The following DISC1 variants were observed in gnomAD, a reference collection of about 807,000 sequenced individuals.
DISC1 encodes DISC1 scaffold protein.
In DISC1, 57 loss-of-function variants were observed where a neutral mutation model predicts 84.5. The ratio of observed to expected loss-of-function variants is 0.67; its 90% CI spans 0.55 to 0.84. The LOEUF (loss-of-function observed/expected upper bound fraction) is 0.84. Among genes scored for constraint, DISC1 ranks in the 40% least tolerant of loss-of-function variants. The pLI is 0.00. For synonymous variants in DISC1, 411 were observed against 415.2 expected, an observed-to-expected ratio of 0.99 and a Z score of 0.12; for missense variants, 1,000 against 1,057.8, an observed-to-expected ratio of 0.95 and a Z score of 0.76.
rs894017427 is a variant in DISC1, at chr1:231,799,430, C to T, written c.1690-678C>T. Among the ~76,000 whole-genome samples, 3 of 152,134 alleles carry T rather than the reference C, an allele frequency of 2.0e-5. No individual in the cohort carries two copies. The South Asian group carries it at 6.2e-4, about 32-fold the overall frequency. On this transcript the variant is annotated intron_variant, in intron 7 of 12. Coordinates refer to ENST00000439617, the MANE Select transcript of DISC1 (RefSeq NM_018662.3). ...GCAAAATCCCTGCTCACATAGAGCTCGTATCCCGGCAGAGAGACAATGTGG... is the reference window on the plus strand; with the variant it reads ...GCAAAATCCCTGCTCACATAGAGCTTGTATCCCGGCAGAGAGACAATGTGG...
rs552948801 is a variant in DISC1 at position 231,751,697 on chromosome 1, G to A, written c.1268+1621G>A. Among the ~76,000 whole-genome samples, 38 of 152,248 alleles carry A rather than the reference G, an allele frequency of 2.5e-4. No homozygotes were observed. In the South Asian group the frequency reaches 6.6e-3, roughly 27 times the overall value. Reference sequence around the variant, plus strand: ...ATTTCTCTGAATTTGACTACTCTGTGTACCTCATAGAAGTGACATCATACA... The same window carrying A: ...ATTTCTCTGAATTTGACTACTCTGTATACCTCATAGAAGTGACATCATACA... On this transcript the variant is annotated intron_variant, in intron 4 of 12. Transcript: ENST00000439617.
rs1667849934 is a variant in DISC1, at chr1:232,009,593, A to G, written c.2307+544A>G. ...AATGTTTATAATGTTCTTCTTTCAT[A>G]AACACAACTAAAGTTTGGCCTGAGA... is the stretch of plus-strand genomic sequence containing the variant. On this transcript the variant is annotated intron_variant, in intron 11 of 12. Transcript: ENST00000439617. This position sits in a 1 kb window ranked among gnomAD's most constrained non-coding sequence, Gnocchi z 4.6. 1.1e-6 allele frequency: 1 copy of G among 921,296 alleles called. No individual in the cohort carries two copies. Among genetic ancestry groups the G allele is most frequent in the African/African-American group, 1.8e-5 (1 of 55,898 alleles). 57.1% of individuals were successfully genotyped at this position (921,296 alleles called of 1,614,324 possible).
At chr1:231,932,768 A>T (rs200240204) in intron 9 of DISC1, among the ~76,000 whole-genome samples, 69 of 152,202 alleles carry the variant, frequency 4.5e-4, no homozygotes, top group Non-Finnish European at 7.6e-4. Flanking sequence ...TGAGGCTGTG[A>T]AGACATTTAA....
At position 231,745,511 on chromosome 1, in the gene DISC1, C is replaced by T. The variant is rs139404356; in HGVS notation, c.1118-4415C>T. Reference sequence around the variant, plus strand: ...TGCTGGGATTACAGGTATGAGCCACCGCGCTCAGCCTAAACATTCATTATC... The same window carrying T: ...TGCTGGGATTACAGGTATGAGCCACTGCGCTCAGCCTAAACATTCATTATC... On this transcript the variant is annotated intron_variant, in intron 3 of 12. Coordinates refer to ENST00000439617, the MANE Select transcript of DISC1 (RefSeq NM_018662.3). 5.6e-4 allele frequency: 118 copies of T among 211,732 alleles called. 1 individual carries two copies. The highest frequency in any genetic ancestry group is 2.6e-3 in the African/African-American group (112 of 42,548). The allele number at this position is 211,732 out of a possible 1,614,324, so 13.1% of individuals were successfully genotyped here. A position where few individuals can be genotyped will look rare whatever the true frequency, so the allele number is the denominator to read the frequency against.
intron 6 of DISC1, among the ~76,000 whole-genome samples, chr1:231,789,137 G>A (rs1483692701): frequency 6.6e-6 from 1 of 152,196 alleles, no homozygotes; most frequent in Non-Finnish European, 1.5e-5. Context: ...ACGAGTGGAT[G>A]TGAAATTTAC....
Position 231,954,054 on chromosome 1 carries a change from C to T in DISC1, c.1982-4774C>T, listed in dbSNP as rs1658963209. 6.6e-6 allele frequency among the ~76,000 whole-genome samples: 1 copy of T among 152,196 alleles called. No individual in the cohort carries two copies. Among genetic ancestry groups the T allele is most frequent in the Non-Finnish European group, 1.5e-5 (1 of 68,036 alleles). On this transcript the variant is annotated intron_variant, in intron 9 of 12. Coordinates refer to ENST00000439617, the MANE Select transcript of DISC1 (RefSeq NM_018662.3). This position sits in a 1 kb window ranked among gnomAD's most constrained non-coding sequence, Gnocchi z 4.8. ...AACATTCTCCTACCTTCCGTGTTGA[C>T]ATTCTTCTACCTTCCAACTTCCGTG...
At chr1:231,906,795 C>T (rs979613440) in intron 9 of DISC1, among the ~76,000 whole-genome samples, 4 of 149,722 alleles carry the variant, frequency 2.7e-5, no homozygotes, top group South Asian at 4.2e-4. Context: ...GAGCTGCGTA[C>T]GTATTAGGGG....
At chr1:231,972,050 C>T (rs115774947) in intron 10 of DISC1, among the ~76,000 whole-genome samples, 23,034 of 152,030 alleles carry the variant, frequency 0.15, 3,479 homozygotes, top group African/African-American at 0.39. Context: ...GCAATGGAGG[C>T]GTTCCACCAG....
At chr1:231,700,027 T>C (rs1413373640) in intron 2 of DISC1, among the ~76,000 whole-genome samples, 2 of 152,218 alleles carry the variant, frequency 1.3e-5, no homozygotes, top group Non-Finnish European at 2.9e-5. Flanking sequence ...GTTCACTCCC[T>C]TACCACTTTT....
rs189575405 is a variant in DISC1 at position 231,969,907 on chromosome 1, T to C, written c.2042+11019T>C. Among the ~76,000 whole-genome samples, 440 of 152,324 alleles carry C rather than the reference T, an allele frequency of 2.9e-3. 3 individuals are homozygous for C. The highest frequency in any genetic ancestry group is 0.01 in the African/African-American group (425 of 41,572). On this transcript the variant is annotated intron_variant, in intron 10 of 12. Coordinates refer to ENST00000439617, the MANE Select transcript of DISC1 (RefSeq NM_018662.3). The stretch of plus-strand genomic sequence containing the variant: ...GAATGATGGTTTCCAGCTTCATCCA[T>C]GTGCCTACAAAGGACATGAGCTCAT...
chr1:231,954,569 G>GTT lies in DISC1; in HGVS notation c.1982-4258_1982-4257insTT, dbSNP rs1337269276. ...GCAGTCCTCTGGTCTTGTTTGTTTC[G>GTT]TAGCATTTCATTTTGTATTCAGCAT... On this transcript the variant is annotated intron_variant, in intron 9 of 12. Coordinates refer to ENST00000439617, the MANE Select transcript of DISC1 (RefSeq NM_018662.3). The surrounding 1 kb of genome is among the most constrained non-coding windows in gnomAD (Gnocchi z 4.8). Among the ~76,000 whole-genome samples the GTT allele has an allele frequency of 6.6e-6, 1 of 151,986 alleles. No individual in the cohort carries two copies. The highest frequency in any genetic ancestry group is 1.5e-5 in the Non-Finnish European group (1 of 68,016).
At chr1:231,722,803 A>G in intron 3 of DISC1, 4 of 1,450,946 alleles carry the variant, frequency 2.8e-6, no homozygotes, top group Non-Finnish European at 2.7e-6. Flanking sequence ...TGGGCTTGAA[A>G]AAAACCAGGT....
intron 6 of DISC1, among the ~76,000 whole-genome samples, chr1:231,779,039 C>T (rs977832211): frequency 2.0e-5 from 3 of 149,590 alleles, no homozygotes; most frequent in Non-Finnish European, 4.5e-5. Flanking sequence ...AATAAGATAC[C>T]AAATTATAAA....
chr1:231,799,585 G>C (rs572795412), intron 7 of DISC1, among the ~76,000 whole-genome samples: 4 of 152,022 alleles, frequency 2.6e-5, no homozygotes, highest in African/African-American at 7.2e-5. Flanking sequence ...CCCAGGCAGC[G>C]ACTGAGCAGT....
At chr1:231,808,681 C>G (rs139139815) in intron 8 of DISC1, among the ~76,000 whole-genome samples, 1 of 152,310 alleles carries the variant, frequency 6.6e-6, no homozygotes, top group African/African-American at 2.4e-5. Context: ...GACCTGTGAC[C>G]AGGGGCTCCT....
intron 6 of DISC1, among the ~76,000 whole-genome samples, chr1:231,792,319 G>A (rs2078411407): frequency 6.6e-6 from 1 of 152,182 alleles, no homozygotes; most frequent in African/African-American, 2.4e-5. Flanking sequence ...GCCCAGACAA[G>A]TGAACTGTGT....
chr1:231,898,459 C>T (rs777297808), intron 9 of DISC1, among the ~76,000 whole-genome samples: 3 of 152,002 alleles, frequency 2.0e-5, no homozygotes, highest in South Asian at 2.1e-4. Flanking sequence ...TTTGATTGAC[C>T]GAAGATTTTC....
At chr1:231,969,385 G>C (rs1367206403) in intron 10 of DISC1, among the ~76,000 whole-genome samples, 1 of 151,822 alleles carries the variant, frequency 6.6e-6, no homozygotes. Context: ...AATGGATCTG[G>C]CTTGTTCTGG....
intron 9 of DISC1, among the ~76,000 whole-genome samples, chr1:231,838,082 G>A (rs2082753052): frequency 6.6e-6 from 1 of 152,166 alleles, no homozygotes; most frequent in Admixed American, 6.5e-5. Flanking sequence ...CACAGCCATG[G>A]TCTCTACAGT....
Sources: gnomAD v4.1 joint callset for allele counts (sites outside exome capture counted in the v4.1 genomes callset) on GRCh38, gnomAD v4.1.1 for gene constraint, Gnocchi (gnomAD v3.1) non-coding constraint, MANE v1.5 for transcripts, NCBI Gene and HGNC (gene_info 2026-07-23, HGNC 2026-07-21) for gene names.